DGKB: variants seen among roughly 807,000 people sequenced by gnomAD.
The protein encoded by DGKB is 90 kDa diacylglycerol kinase.
A neutral mutation model predicts 114.3 loss-of-function variants in DGKB; 67 were observed. The observed-to-expected ratio is 0.59, with a 90% CI of 0.48 to 0.72. DGKB has a LOEUF of 0.72. Ranked by LOEUF, DGKB falls within the 30% of genes least tolerant of loss-of-function variation. DGKB has a pLI of 0.00. For missense variants in DGKB, 907 were observed against 975.2 expected (o/e 0.93, Z 0.93); for synonymous variants, 398 against 323.1 (o/e 1.23, Z -2.49).
intron 23 of DGKB, among the ~76,000 whole-genome samples, chr7:14,197,146 T>G (rs1696721097): frequency 6.6e-6 from 1 of 152,116 alleles, no homozygotes; most frequent in Non-Finnish European, 1.5e-5. Context: ...AAACCTCTTT[T>G]GTAGTACAAA....
chr7:14,734,950 G>A (rs1429513917), intron 5 of DGKB, among the ~76,000 whole-genome samples: 3 of 152,122 alleles, frequency 2.0e-5, no homozygotes, highest in African/African-American at 7.2e-5. Context: ...GGGTTGGGGC[G>A]GTGGGGTGGG....
chr7:14,383,205 C>T (rs576830069), intron 21 of DGKB, among the ~76,000 whole-genome samples: 180 of 152,152 alleles, frequency 1.2e-3, no homozygotes, highest in Middle Eastern at 6.8e-3. Context: ...AGGAGATCAC[C>T]GGGTCTCTAA....
At chr7:14,851,352 T>G (rs1443837399) in intron 1 of DGKB, among the ~76,000 whole-genome samples, 1 of 152,180 alleles carries the variant, frequency 6.6e-6, no homozygotes, top group African/African-American at 2.4e-5. Flanking sequence ...ATCTTATTCT[T>G]GTTAAGAAAG....
chr7:14,840,039 G>C (rs1012145939), intron 2 of DGKB, among the ~76,000 whole-genome samples: 1 of 151,974 alleles, frequency 6.6e-6, no homozygotes, highest in Admixed American at 6.6e-5. Flanking sequence ...GATAGTATTC[G>C]CTATTACCAT....
chr7:14,788,177 G>T (rs1003490924), intron 2 of DGKB, among the ~76,000 whole-genome samples: 1 of 152,206 alleles, frequency 6.6e-6, no homozygotes, highest in African/African-American at 2.4e-5. Context: ...TAATGCCCAT[G>T]GCATTGCCCT....
intron 23 of DGKB, among the ~76,000 whole-genome samples, chr7:14,260,875 A>T (rs1032404746): frequency 1.2e-4 from 18 of 152,174 alleles, no homozygotes; most frequent in Non-Finnish European, 5.9e-5. Flanking sequence ...GCTCATGAAG[A>T]TTTTGTCTAC....
At chr7:14,950,956 A>G (rs985524614) in intron 1 of DGKB, among the ~76,000 whole-genome samples, 2 of 151,972 alleles carry the variant, frequency 1.3e-5, no homozygotes, top group Non-Finnish European at 2.9e-5. Flanking sequence ...ATCATTTAAT[A>G]TAATATATCA....
Position 14,351,875 on chromosome 7 carries a change from C to T in DGKB, c.1836-6484G>A, listed in dbSNP as rs545120085. On this transcript the variant is annotated intron_variant, in intron 21 of 25. Transcript: ENST00000402815. Reference sequence around the variant, plus strand: ...TTTTATTTAAACCGCTAAACTCAGGCTTTTTTGTTCACAGAAATGTGTACT... The same window carrying T: ...TTTTATTTAAACCGCTAAACTCAGGTTTTTTTGTTCACAGAAATGTGTACT... Among the ~76,000 whole-genome samples, 15 of 152,166 alleles carry T rather than the reference C, an allele frequency of 9.9e-5. No individual in the cohort carries two copies. The East Asian group carries it at 2.9e-3, about 29-fold the overall frequency.
chr7:14,204,669 G>T (rs190674702), intron 23 of DGKB, among the ~76,000 whole-genome samples: 82 of 152,118 alleles, frequency 5.4e-4, no homozygotes, highest in African/African-American at 1.6e-3. Flanking sequence ...CTGGCTAAAA[G>T]GAAGTTTAGC....
chr7:14,270,048 C>CAAAAAAA (rs397889901), intron 23 of DGKB, among the ~76,000 whole-genome samples: 4 of 52,860 alleles, frequency 7.6e-5, no homozygotes, highest in African/African-American at 2.2e-4. Flanking sequence ...GCTTTTTTTG[C>CAAAAAAA]AAAAAAAAAA....
At position 14,609,000 on chromosome 7, in the gene DGKB, T is replaced by C. The variant is rs1400347142; in HGVS notation, c.1359-1492A>G. ...TGGCTATTCTGCCCAAAGCAATTTA[T>C]AGATTTAACACTATTTCTATGAAAC... On this transcript the variant is annotated intron_variant, in intron 16 of 25. Coordinates refer to ENST00000402815, the MANE Select transcript of DGKB (RefSeq NM_001350709.2). Among the ~76,000 whole-genome samples, 15 of 152,026 alleles carry C rather than the reference T, an allele frequency of 9.9e-5. 1 individual carries two copies.
At chr7:14,161,561 C>G (rs182209932) in intron 25 of DGKB, among the ~76,000 whole-genome samples, 1 of 151,934 alleles carries the variant, frequency 6.6e-6, no homozygotes, top group African/African-American at 2.4e-5. Context: ...CAAACTAACA[C>G]AGGAACAGAA....
chr7:14,180,837 A>C (rs1302220185), intron 23 of DGKB, among the ~76,000 whole-genome samples: 1 of 152,122 alleles, frequency 6.6e-6, no homozygotes, highest in Non-Finnish European at 1.5e-5. Flanking sequence ...TTGGAACATC[A>C]GACTTCCTCA....
At chr7:14,659,002 A>G (rs1816452745) in intron 13 of DGKB, among the ~76,000 whole-genome samples, 1 of 151,792 alleles carries the variant, frequency 6.6e-6, no homozygotes, top group Non-Finnish European at 1.5e-5. Flanking sequence ...TGCTGCACCT[A>G]TCAACCCATC....
At chr7:14,279,660 G>C (rs955349926) in intron 23 of DGKB, among the ~76,000 whole-genome samples, 4 of 152,030 alleles carry the variant, frequency 2.6e-5, no homozygotes, top group African/African-American at 9.7e-5. Context: ...AGGGTAACCC[G>C]ACCTCAAAGG....
At chr7:14,829,834 T>C (rs117923984) in intron 2 of DGKB, among the ~76,000 whole-genome samples, 35 of 152,172 alleles carry the variant, frequency 2.3e-4, no homozygotes, top group Non-Finnish European at 4.4e-4. Flanking sequence ...TTGAGGGGTA[T>C]CACAGAGTAG....
chr7:14,434,045 T>G (rs1175214901), intron 21 of DGKB, among the ~76,000 whole-genome samples: 1 of 152,182 alleles, frequency 6.6e-6, no homozygotes, highest in Admixed American at 6.6e-5. Flanking sequence ...TTTGGAACAT[T>G]TAGCACTTCA....
chr7:14,332,941 A>C (rs973562256), intron 23 of DGKB, among the ~76,000 whole-genome samples: 1 of 152,178 alleles, frequency 6.6e-6, no homozygotes, highest in Non-Finnish European at 1.5e-5. Context: ...ATGAGGTTTC[A>C]AGCAGAAAGT....
At chr7:14,787,809 C>T (rs1252866690) in intron 2 of DGKB, among the ~76,000 whole-genome samples, 1 of 152,238 alleles carries the variant, frequency 6.6e-6, no homozygotes, top group Non-Finnish European at 1.5e-5. Flanking sequence ...ATTCTTCACA[C>T]AGAGCAAAGC....
Sources: gnomAD v4.1 joint callset for allele counts (sites outside exome capture counted in the v4.1 genomes callset) on GRCh38, gnomAD v4.1.1 for gene constraint, MANE v1.5 for transcripts, NCBI Gene and HGNC (gene_info 2026-07-23, HGNC 2026-07-21) for gene names.